Variants in NKAIN3 observed in about 807,000 individuals in gnomAD.
NKAIN3 encodes the protein sodium/potassium-transporting ATPase subunit beta-1-interacting protein 3.
In NKAIN3, 25 loss-of-function variants were observed where a neutral mutation model predicts 30.2. The observed-to-expected ratio is 0.83, with a 90% CI of 0.60 to 1.16. The LOEUF (loss-of-function observed/expected upper bound fraction) is 1.16. Ranked by LOEUF, NKAIN3 falls within the 50% of genes most tolerant of loss-of-function variation. The pLI, the probability that NKAIN3 is intolerant of heterozygous loss-of-function variation, is 0.00. For synonymous variants in NKAIN3, 91 were observed against 89.6 expected, an observed-to-expected ratio of 1.02 and a Z score of -0.09; for missense variants, 225 against 254.1, an observed-to-expected ratio of 0.89 and a Z score of 0.78.
chr8:62,444,818 AC>A (rs1805432110), intron 1 of NKAIN3, among the ~76,000 whole-genome samples: 2 of 152,020 alleles, frequency 1.3e-5, no homozygotes, highest in Non-Finnish European at 2.9e-5. Flanking sequence ...AATTTATATA[AC>A]CCCCACAATG....
chr8:62,419,411 G>A (rs1220155695), intron 1 of NKAIN3, among the ~76,000 whole-genome samples: 2 of 152,146 alleles, frequency 1.3e-5, no homozygotes, highest in Non-Finnish European at 2.9e-5. Context: ...TCCCACCCAG[G>A]AAAGAACTCT....
intron 4 of NKAIN3, among the ~76,000 whole-genome samples, chr8:62,762,599 G>T (rs1486533085): frequency 1.3e-5 from 2 of 152,170 alleles, no homozygotes; most frequent in African/African-American, 4.8e-5. Context: ...CAAGAGAATG[G>T]ATTGGAGAGA....
At chr8:62,847,251 T>TA (rs562544735) in intron 4 of NKAIN3, among the ~76,000 whole-genome samples, 200 of 152,178 alleles carry the variant, frequency 1.3e-3, no homozygotes, top group African/African-American at 4.7e-3. Flanking sequence ...TAGGTCTTTG[T>TA]AAAATCACCA....
At chr8:62,822,328 T>G (rs1374340238) in intron 4 of NKAIN3, among the ~76,000 whole-genome samples, 1 of 152,136 alleles carries the variant, frequency 6.6e-6, no homozygotes, top group Non-Finnish European at 1.5e-5. Context: ...TTGAAAGCAG[T>G]TGAAATCTTT....
At chr8:62,847,729 A>G (rs1017178363) in intron 4 of NKAIN3, among the ~76,000 whole-genome samples, 1 of 152,040 alleles carries the variant, frequency 6.6e-6, no homozygotes, top group African/African-American at 2.4e-5. Context: ...AATTGCTTCT[A>G]GCATCTTGGT....
intron 1 of NKAIN3, among the ~76,000 whole-genome samples, chr8:62,346,215 A>T (rs1364942849): frequency 6.6e-6 from 1 of 152,086 alleles, no homozygotes; most frequent in African/African-American, 2.4e-5. Context: ...GAAAAAGAGG[A>T]TTTTGAATGC....
intron 3 of NKAIN3, among the ~76,000 whole-genome samples, chr8:62,716,875 C>T (rs751369062): frequency 2.0e-5 from 3 of 152,102 alleles, no homozygotes; most frequent in Non-Finnish European, 4.4e-5. Context: ...GTGGGAGGAT[C>T]ACTTGAGGCC....
intron 1 of NKAIN3, among the ~76,000 whole-genome samples, chr8:62,528,324 AATATATATATTATATAATATATATAT>A (rs999409592): frequency 2.7e-5 from 2 of 73,354 alleles, no homozygotes; most frequent in Non-Finnish European, 5.2e-5. Flanking sequence ...TATATTATAT[AATATATATATTATATAATATATATAT>A]ATATGACTTT....
At chr8:62,994,881 G>A (rs895377082) in intron 5 of NKAIN3, among the ~76,000 whole-genome samples, 3 of 152,158 alleles carry the variant, frequency 2.0e-5, no homozygotes, top group Non-Finnish European at 2.9e-5. Flanking sequence ...GCTCAGGAAA[G>A]TAAATAGCAA....
intron 4 of NKAIN3, among the ~76,000 whole-genome samples, chr8:62,813,499 CTT>C (rs34402019): frequency 3.6e-3 from 507 of 141,432 alleles, no homozygotes; most frequent in Middle Eastern, 0.011. Flanking sequence ...TTGAGTCTTC[CTT>C]TTTTTTTTTT....
intron 1 of NKAIN3, 74 bp downstream of exon 1, chr8:62,249,201 T>A (rs1260230952): frequency 6.2e-6 from 8 of 1,280,950 alleles, no homozygotes; most frequent in Non-Finnish European, 8.5e-6. Context: ...CCCTCTGCGG[T>A]TCCGCAGCTC....
intron 4 of NKAIN3, among the ~76,000 whole-genome samples, chr8:62,803,730 C>A (rs533999409): frequency 4.6e-5 from 7 of 152,206 alleles, no homozygotes; most frequent in Non-Finnish European, 7.4e-5. Flanking sequence ...CAAACACATT[C>A]AAAAGCTAGC....
chr8:62,831,333 A>C (rs548522827), intron 4 of NKAIN3, among the ~76,000 whole-genome samples: 35 of 152,300 alleles, frequency 2.3e-4, no homozygotes, highest in African/African-American at 8.4e-4. Flanking sequence ...GAAAAACCTG[A>C]ATGTGGTGAC....
intron 1 of NKAIN3, among the ~76,000 whole-genome samples, chr8:62,381,300 C>G (rs1817267329): frequency 6.6e-6 from 1 of 152,064 alleles, no homozygotes; most frequent in Non-Finnish European, 1.5e-5. Flanking sequence ...GTTTTCTTCA[C>G]CATTCATCAA....
At chr8:62,864,600 A>G (rs1820363995) in intron 4 of NKAIN3, among the ~76,000 whole-genome samples, 1 of 152,214 alleles carries the variant, frequency 6.6e-6, no homozygotes, top group Admixed American at 6.5e-5. Context: ...CACAGTTTCC[A>G]GAGTTTTCCA....
intron 3 of NKAIN3, among the ~76,000 whole-genome samples, chr8:62,690,623 G>A (rs1238393564): frequency 6.6e-6 from 1 of 152,152 alleles, no homozygotes; most frequent in Non-Finnish European, 1.5e-5. Context: ...CGGTTGTCCA[G>A]AGGCTGGGTA....
chr8:62,280,212 G>A (rs1056006501), intron 1 of NKAIN3, among the ~76,000 whole-genome samples: 45 of 152,120 alleles, frequency 3.0e-4, no homozygotes, highest in Non-Finnish European at 4.6e-4. Context: ...TGTGATTTTT[G>A]CACGTTGATT....
chr8:62,385,269 C>T (rs967793448), intron 1 of NKAIN3, among the ~76,000 whole-genome samples: 6 of 152,198 alleles, frequency 3.9e-5, no homozygotes, highest in Admixed American at 2.0e-4. Flanking sequence ...AAACATTATC[C>T]CATTCAACTC....
intron 1 of NKAIN3, among the ~76,000 whole-genome samples, chr8:62,286,535 G>A (rs2129398739): frequency 1.3e-5 from 2 of 152,160 alleles, no homozygotes; most frequent in South Asian, 4.2e-4. Flanking sequence ...AATACAATAG[G>A]ACTTGAATAA....
Sources: allele counts gnomAD v4.1 joint callset (sites outside exome capture counted in the v4.1 genomes callset), GRCh38; gene constraint gnomAD v4.1.1; transcripts MANE v1.5; gene names NCBI Gene and HGNC (gene_info 2026-07-23, HGNC 2026-07-21).